LRRC27: variants seen among roughly 807,000 people sequenced by gnomAD.
LRRC27 encodes the protein leucine rich repeat containing 27, also known as leucine-rich repeat-containing protein 27.
In LRRC27, 57 loss-of-function variants were observed where a neutral mutation model predicts 55.0. The ratio of observed to expected loss-of-function variants is 1.04; its 90% CI spans 0.84 to 1.29. The LOEUF is 1.29. Ranked by LOEUF, LRRC27 falls within the 50% of genes most tolerant of loss-of-function variation. LRRC27 has a pLI of 0.00. For missense variants in LRRC27, 721 were observed against 651.5 expected (o/e 1.11, Z -1.16); for synonymous variants, 278 against 251.9 (o/e 1.10, Z -0.98).
At chr10:132,344,084 C>T (rs903304183) in intron 4 of LRRC27, among the ~76,000 whole-genome samples, 1 of 152,186 alleles carries the variant, frequency 6.6e-6, no homozygotes, top group African/African-American at 2.4e-5. Context: ...TTGTTAAACC[C>T]AACATCTGGG....
chr10:132,373,024 A>G (rs1455195287), intron 10 of LRRC27, among the ~76,000 whole-genome samples: 3 of 152,208 alleles, frequency 2.0e-5, no homozygotes, highest in African/African-American at 7.2e-5. Context: ...TGCGAACATT[A>G]GGGGACACTT....
At position 132,375,144 on chromosome 10, in the gene LRRC27, A is replaced by C; in HGVS notation, c.1495A>C (p.Thr499Pro). The C allele has an allele frequency of 6.2e-7, 1 of 1,614,166 alleles. No homozygotes were observed. The highest frequency in any genetic ancestry group is 8.5e-7 in the Non-Finnish European group (1 of 1,179,996). ...CAAAGATCGTCGACGGGCGGCCCTC[A>C]CTGGAAACCTTTCGCTTGGCCTGCC... ...LNKDRRRAAL[T>P]GNLSLGLPAA... The change falls in exon 11 of 11, where the codon ACT becomes CCT. Residue 499 changes from threonine (T) to proline (P), a missense_variant. Thr to Pro is a conservative substitution (Grantham distance 38). Coordinates refer to ENST00000368614, the MANE Select transcript of LRRC27 (RefSeq NM_030626.3).
At chr10:132,351,958 G>C (rs1324936363) in intron 7 of LRRC27, among the ~76,000 whole-genome samples, 1 of 152,256 alleles carries the variant, frequency 6.6e-6, no homozygotes, top group African/African-American at 2.4e-5. Context: ...GGGCTCGCTT[G>C]TTTGCAGCCC....
chr10:132,373,668 T>C (rs1477385064), intron 10 of LRRC27, among the ~76,000 whole-genome samples: 1 of 152,194 alleles, frequency 6.6e-6, no homozygotes, highest in Non-Finnish European at 1.5e-5. Context: ...GAATTTGTTC[T>C]ATCAAAACAA....
chr10:132,330,209 G>A (rs2066620968), upstream of LRRC27: 2 of 525,000 alleles, frequency 3.8e-6, no homozygotes, highest in East Asian at 3.3e-5. Context: ...ATTAACTACT[G>A]ACTACAAAAA....
chr10:132,331,908 G>A (rs1482220444), upstream of LRRC27: 1 of 841,124 alleles, frequency 1.2e-6, no homozygotes, highest in Non-Finnish European at 1.7e-6. Flanking sequence ...CCGCGCAGGC[G>A]CACCACAACC....
chr10:132,367,355 C>T (rs1389216860), intron 10 of LRRC27, among the ~76,000 whole-genome samples: 1 of 152,226 alleles, frequency 6.6e-6, no homozygotes, highest in Non-Finnish European at 1.5e-5. Flanking sequence ...TCGATAATCT[C>T]TTCCAGAAGA....
At chr10:132,352,760 C>T (rs1426508923) in intron 7 of LRRC27, 7 of 1,077,768 alleles carry the variant, frequency 6.5e-6, no homozygotes, top group Non-Finnish European at 9.6e-6. Flanking sequence ...CCCGAGGCCT[C>T]CCTGTGGGAC....
At position 132,372,080 on chromosome 10, in the gene LRRC27, G is replaced by A. The variant is rs930929205; in HGVS notation, c.1417-2986G>A. Among the ~76,000 whole-genome samples the A allele has an allele frequency of 6.6e-6, 1 of 152,238 alleles. No individual in the cohort carries two copies. The highest frequency in any genetic ancestry group is 1.5e-5 in the Non-Finnish European group (1 of 68,040). On this transcript the variant is annotated intron_variant, in intron 10 of 10. Coordinates refer to ENST00000368614, the MANE Select transcript of LRRC27 (RefSeq NM_030626.3). The surrounding 1 kb of genome is among the most constrained non-coding windows in gnomAD (Gnocchi z 4.0). ...CAGCCCCAGAGCCTGAAAAGCACAG[G>A]AAGACAAAACCAACCAAAGAAGGAT... is the stretch of plus-strand genomic sequence containing the variant.
At chr10:132,373,537 G>A (rs929284378) in intron 10 of LRRC27, among the ~76,000 whole-genome samples, 3 of 152,206 alleles carry the variant, frequency 2.0e-5, no homozygotes, top group Admixed American at 1.3e-4. Flanking sequence ...CTCAGCAGGC[G>A]CCGGGATTCG....
At chr10:132,367,692 G>A (rs1268319877) in intron 10 of LRRC27, among the ~76,000 whole-genome samples, 1 of 152,196 alleles carries the variant, frequency 6.6e-6, no homozygotes, top group African/African-American at 2.4e-5. Context: ...AGCAAACTAG[G>A]ATAAGCTGAG....
In LRRC27 at chr10:132,333,535, G is replaced by A. The variant is rs980305241; in HGVS notation, c.11G>A (p.Ser4Asn). Reference protein sequence around the residue: MEGSSSYEVPSVAA... With the variant: MEGNSSYEVPSVAA... ...CCTGGAAGAGAACGGATGGAGGGAA[G>A]CAGCTCCTACGAAGTTCCCTCTGTG... Residue 4 changes from serine (S) to asparagine (N), a missense_variant, in exon 2 of 11, where the codon AGC becomes AAC. Transcript: ENST00000368614. 1.9e-6 allele frequency: 3 copies of A among 1,602,040 alleles called. No individual in the cohort carries two copies. The highest frequency in any genetic ancestry group is 1.7e-5 in the Admixed American group (1 of 59,354).
At chr10:132,340,274 G>A (rs944194985) in intron 3 of LRRC27, among the ~76,000 whole-genome samples, 3 of 152,298 alleles carry the variant, frequency 2.0e-5, no homozygotes, top group African/African-American at 7.2e-5. Flanking sequence ...TTTAAAGTGT[G>A]CTCAGAATAT....
In LRRC27 at chr10:132,366,940, CTT is replaced by C. The variant is rs1307644804; in HGVS notation, c.1416+1393_1416+1394del. 4 of 1,284,650 alleles carry C rather than the reference CTT, an allele frequency of 3.1e-6. No individual in the cohort carries two copies. The East Asian group carries it at 1.7e-4, about 55-fold the overall frequency. 79.6% of individuals were successfully genotyped at this position (1,284,650 alleles called of 1,614,324 possible). ...TGACTCGGACCCCACTTCTGAGACT[CTT>C]TTCCTCCTCAGCCCAAGGAGTTTGT... On this transcript the variant is annotated intron_variant, in intron 10 of 10. Transcript: ENST00000368614.
upstream of LRRC27, chr10:132,330,541 G>A (rs559891087): frequency 2.8e-6 from 2 of 715,620 alleles, no homozygotes; most frequent in East Asian, 2.7e-5. Flanking sequence ...ACAGGGTCTC[G>A]CTGTCACCGA....
intron 7 of LRRC27, among the ~76,000 whole-genome samples, chr10:132,355,046 C>T (rs1171578956): frequency 6.6e-6 from 1 of 152,232 alleles, no homozygotes; most frequent in South Asian, 2.1e-4. Context: ...TGGCTGCAGA[C>T]TGCGGAGGCC....
intron 7 of LRRC27, among the ~76,000 whole-genome samples, chr10:132,352,070 C>T (rs866167061): frequency 3.0e-3 from 198 of 66,880 alleles, no homozygotes; most frequent in East Asian, 7.2e-3. Context: ...GTGGGGCAGG[C>T]GCAGGTGCAG....
In LRRC27 at chr10:132,381,409, A is replaced by G. The variant is rs1242873827; in HGVS notation, c.*6167A>G. On this transcript the variant is annotated 3_prime_UTR_variant, in exon 11 of 11. Coordinates refer to ENST00000368614, the MANE Select transcript of LRRC27 (RefSeq NM_030626.3). ...GTTTGGGGACTCAGACTGAGCTACT[A>G]CTGGCTTCCTTGCCCCTCAGTTTGC... Among the ~76,000 whole-genome samples the G allele has an allele frequency of 2.6e-5, 4 of 152,216 alleles. No individual in the cohort carries two copies. The highest frequency in any genetic ancestry group is 7.2e-5 in the African/African-American group (3 of 41,450).
intron 7 of LRRC27, 65 bp downstream of exon 7, chr10:132,351,818 G>C (rs1032775567): frequency 6.6e-7 from 1 of 1,520,760 alleles, no homozygotes; most frequent in African/African-American, 1.4e-5. Flanking sequence ...GGACTGGGCT[G>C]TGATTTTATG....
Sources: gnomAD v4.1 joint callset for allele counts (sites outside exome capture counted in the v4.1 genomes callset) on GRCh38, gnomAD v4.1.1 for gene constraint, Gnocchi (gnomAD v3.1) non-coding constraint, MANE v1.5 for transcripts, NCBI Gene and HGNC (gene_info 2026-07-23, HGNC 2026-07-21) for gene names.